The following IFT122 variants were observed in gnomAD, a reference collection of about 807,000 sequenced individuals.
IFT122 encodes intraflagellar transport protein 122 homolog.
A neutral mutation model predicts 161.6 loss-of-function variants in IFT122; 118 were observed. The observed-to-expected ratio is 0.73, with a 90% CI of 0.63 to 0.85. The LOEUF (loss-of-function observed/expected upper bound fraction) is 0.85. Among genes scored for constraint, IFT122 ranks in the 40% least tolerant of loss-of-function variants. The pLI is 0.00. For missense variants in IFT122, 1,381 were observed against 1,579.6 expected (o/e 0.87, Z 2.13); for synonymous variants, 550 against 602.4 (o/e 0.91, Z 1.27).
intron 8 of IFT122, 69 bp from the exon 9 acceptor site, chr3:129,469,273 A>G: frequency 1.5e-6 from 2 of 1,328,590 alleles, no homozygotes. Context: ...CCTGTTGTTT[A>G]AGCCCTTAGA....
chr3:129,503,949 T>A (rs1373465812), intron 20 of IFT122: 2 of 344,288 alleles, frequency 5.8e-6, no homozygotes, highest in East Asian at 1.6e-4. Context: ...GAAGTGGTGA[T>A]GATGATAATG....
intron 23 of IFT122, among the ~76,000 whole-genome samples, chr3:129,509,817 G>T (rs956359516): frequency 2.6e-5 from 4 of 152,152 alleles, no homozygotes; most frequent in Non-Finnish European, 5.9e-5. Context: ...TGGTTTAGTG[G>T]GTAAACTCGA....
chr3:129,516,328 CACAG>C (rs1426239309), intron 26 of IFT122, among the ~76,000 whole-genome samples: 2 of 144,686 alleles, frequency 1.4e-5, no homozygotes, highest in East Asian at 2.1e-4. Flanking sequence ...CCTGCACACA[CACAG>C]AGACTGCCCC....
At chr3:129,446,684 C>G (rs1326375897) in intron 1 of IFT122, among the ~76,000 whole-genome samples, 1 of 152,162 alleles carries the variant, frequency 6.6e-6, no homozygotes, top group Non-Finnish European at 1.5e-5. Flanking sequence ...TCAAACCGAG[C>G]TGCACCCTGA....
At chr3:129,518,715 G>T (rs556485305) in intron 27 of IFT122, among the ~76,000 whole-genome samples, 1 of 152,270 alleles carries the variant, frequency 6.6e-6, no homozygotes, top group African/African-American at 2.4e-5. Context: ...CTCCAGGTGA[G>T]TCTGACCCGC....
chr3:129,516,240 C>T (rs2083546767), intron 26 of IFT122, among the ~76,000 whole-genome samples: 1 of 136,872 alleles, frequency 7.3e-6, no homozygotes, highest in African/African-American at 2.8e-5. Flanking sequence ...CAGACTGCCC[C>T]TGCGTGCACA....
chr3:129,502,451 G>C (rs1013632482), intron 19 of IFT122, among the ~76,000 whole-genome samples: 2 of 152,186 alleles, frequency 1.3e-5, no homozygotes, highest in African/African-American at 4.8e-5. Flanking sequence ...GGAGATAATT[G>C]TTTCTATACC....
chr3:129,466,122 A>G (rs1472598517), intron 7 of IFT122, among the ~76,000 whole-genome samples: 1 of 152,112 alleles, frequency 6.6e-6, no homozygotes, highest in East Asian at 1.9e-4. Context: ...TATGCTCTTT[A>G]TATATCCTAT....
chr3:129,443,785 A>G lies in IFT122; in HGVS notation c.41+3414A>G, dbSNP rs536460612. On this transcript the variant is annotated intron_variant, in intron 1 of 29. Coordinates refer to ENST00000348417, the MANE Select transcript of IFT122 (RefSeq NM_052989.3). ...TTAAGAGTTTAGATTGGGGCAAATC[A>G]GACATATATGATATATTTTAGGAAG... is the stretch of plus-strand genomic sequence containing the variant. Among the ~76,000 whole-genome samples, 15 of 152,382 alleles carry G rather than the reference A, an allele frequency of 9.8e-5. No homozygotes were observed. In the South Asian group the frequency reaches 3.1e-3, roughly 32 times the overall value.
At chr3:129,501,605 G>A (rs1180815674) in intron 19 of IFT122, among the ~76,000 whole-genome samples, 1 of 152,180 alleles carries the variant, frequency 6.6e-6, no homozygotes, top group Admixed American at 6.5e-5. Context: ...GGTTTTTCTT[G>A]TCACTTTCAT....
chr3:129,520,391 G>GA lies in IFT122; in HGVS notation c.*126_*127insA. The stretch of plus-strand genomic sequence containing the variant: ...AGATGAAGTTTGTGTTTTGTGGGGG[G>GA]GGCCTTGTGTAACCACGGAATTCCT... On this transcript the variant is annotated 3_prime_UTR_variant, in exon 30 of 30. Transcript: ENST00000348417. 1 of 788,766 alleles carries GA rather than the reference G, an allele frequency of 1.3e-6. No individual in the cohort carries two copies. The allele number at this position is 788,766 out of a possible 1,614,324, so 48.9% of individuals were successfully genotyped here.
intron 18 of IFT122, among the ~76,000 whole-genome samples, chr3:129,496,876 A>G (rs2080917091): frequency 6.6e-6 from 1 of 152,194 alleles, no homozygotes; most frequent in African/African-American, 2.4e-5. Context: ...TTCCGGGGAT[A>G]ACAAAATTTT....
At chr3:129,454,470 T>C (rs1463155212) in intron 3 of IFT122, among the ~76,000 whole-genome samples, 1 of 151,258 alleles carries the variant, frequency 6.6e-6, no homozygotes, top group Non-Finnish European at 1.5e-5. Flanking sequence ...CAAAACTAAT[T>C]TCTTGCTTCA....
At chr3:129,481,934 G>A (rs2078700909) in intron 14 of IFT122, among the ~76,000 whole-genome samples, 1 of 152,222 alleles carries the variant, frequency 6.6e-6, no homozygotes, top group African/African-American at 2.4e-5. Context: ...AATGGAAACC[G>A]AAGGCTCTGA....
intron 8 of IFT122, among the ~76,000 whole-genome samples, chr3:129,468,795 T>G (rs2077065933): frequency 1.3e-5 from 2 of 152,226 alleles, no homozygotes; most frequent in South Asian, 4.1e-4. Context: ...TCAGAGCCCA[T>G]TGCTCTTTTT....
At chr3:129,491,816 C>A (rs182714874) in intron 16 of IFT122, among the ~76,000 whole-genome samples, 1 of 152,322 alleles carries the variant, frequency 6.6e-6, no homozygotes, top group African/African-American at 2.4e-5. Context: ...GAGGGTCAGA[C>A]CGGCTTGTTC....
chr3:129,452,168 T>C, intron 3 of IFT122, 170 bp downstream of exon 3: 1 of 626,016 alleles, frequency 1.6e-6, no homozygotes, highest in South Asian at 1.7e-5. Context: ...CAAGTATTTA[T>C]TGAGGTCATC....
intron 5 of IFT122, among the ~76,000 whole-genome samples, chr3:129,461,685 C>T (rs2076229509): frequency 6.6e-6 from 1 of 152,180 alleles, no homozygotes; most frequent in Admixed American, 6.5e-5. Context: ...TTGTATTGAC[C>T]CACATCTATG....
intron 25 of IFT122, chr3:129,514,892 T>TA: frequency 2.2e-6 from 1 of 453,540 alleles, no homozygotes; most frequent in Non-Finnish European, 4.1e-6. Context: ...AGCTGACTCT[T>TA]ACTCTAGAAA....
Sources: allele counts gnomAD v4.1 joint callset (sites outside exome capture counted in the v4.1 genomes callset), GRCh38; gene constraint gnomAD v4.1.1; transcripts MANE v1.5; gene names NCBI Gene and HGNC (gene_info 2026-07-23, HGNC 2026-07-21).